Variants in LRP1B observed in about 807,000 individuals in gnomAD.
The protein encoded by LRP1B is low-density lipoprotein receptor-related protein 1B.
Under a neutral mutation model 556.6 loss-of-function variants are expected in LRP1B, and 217 were observed. The observed-to-expected ratio is 0.39, with a 90% confidence interval of 0.35 to 0.44. The LOEUF (loss-of-function observed/expected upper bound fraction) is 0.44, where lower values mean the gene tolerates loss of function less well. LRP1B is among the 20% of genes least tolerant of loss of function. The pLI, the probability that LRP1B is intolerant of heterozygous loss-of-function variation, is 1.00. For synonymous variants in LRP1B, 2,047 were observed against 1,865.8 expected, an observed-to-expected ratio of 1.10 and a Z score of -2.50; for missense variants, 5,053 against 5,620.8, an observed-to-expected ratio of 0.90 and a Z score of 3.23.
chr2:140,907,900 C>T lies in LRP1B; in HGVS notation c.3497G>A (p.Gly1166Asp), dbSNP rs766253572. ...LCNGKKDCPD[G>D]SDEGYLCDEC... Reference sequence around the variant, plus strand: ...ACCACAGAGATAGCCTTCATCAGAGCCATCAGGACAATCCTTTTTCCCATT... The same window carrying T: ...ACCACAGAGATAGCCTTCATCAGAGTCATCAGGACAATCCTTTTTCCCATT... The change falls in exon 22 of 91, where the codon GGC (glycine) becomes GAC (aspartate). Residue 1166 changes from glycine (G) to aspartate (D), a missense_variant. By Grantham distance (94) the Gly-to-Asp change is moderately conservative. Coordinates refer to ENST00000389484, the MANE Select transcript of LRP1B (RefSeq NM_018557.3). 2.5e-6 allele frequency: 4 copies of T among 1,613,384 alleles called. No homozygotes were observed. In the South Asian group the frequency reaches 4.4e-5, roughly 18 times the overall value.
intron 41 of LRP1B, among the ~76,000 whole-genome samples, chr2:140,648,435 A>G (rs1200929623): frequency 6.6e-6 from 1 of 152,156 alleles, no homozygotes; most frequent in Non-Finnish European, 1.5e-5. Context: ...CTTAAAGTAT[A>G]ATAAAAAAAA....
chr2:142,000,967 G>C (rs1030962225), intron 1 of LRP1B, among the ~76,000 whole-genome samples: 1 of 152,122 alleles, frequency 6.6e-6, no homozygotes, highest in African/African-American at 2.4e-5. Flanking sequence ...TGAAAAATAA[G>C]TGAATCACAG....
At chr2:140,911,685 C>T (rs566633951) in intron 21 of LRP1B, among the ~76,000 whole-genome samples, 1 of 151,806 alleles carries the variant, frequency 6.6e-6, no homozygotes, top group South Asian at 2.1e-4. Context: ...ACATTCTATA[C>T]TTAAGCATTA....
chr2:141,053,173 C>A (rs969550621), intron 10 of LRP1B, among the ~76,000 whole-genome samples: 1 of 151,932 alleles, frequency 6.6e-6, no homozygotes, highest in Non-Finnish European at 1.5e-5. Context: ...AAATACATTT[C>A]ACAGACACTC....
intron 41 of LRP1B, among the ~76,000 whole-genome samples, chr2:140,693,525 G>T (rs1686319036): frequency 6.6e-6 from 1 of 152,030 alleles, no homozygotes; most frequent in Non-Finnish European, 1.5e-5. Flanking sequence ...GATAATTTGG[G>T]ATAATTTTCC....
chr2:141,640,332 G>T (rs1175984797), intron 2 of LRP1B, among the ~76,000 whole-genome samples: 1 of 152,158 alleles, frequency 6.6e-6, no homozygotes, highest in Non-Finnish European at 1.5e-5. Context: ...CAAAAAAAGA[G>T]CTAATACCCT....
chr2:141,657,760 T>C (rs1487142129), intron 2 of LRP1B, among the ~76,000 whole-genome samples: 2 of 152,154 alleles, frequency 1.3e-5, no homozygotes, highest in East Asian at 1.9e-4. Context: ...TATGTTGTCA[T>C]TGACAGTTGA....
chr2:141,806,652 C>T (rs1175587849), intron 2 of LRP1B, among the ~76,000 whole-genome samples: 4 of 151,950 alleles, frequency 2.6e-5, no homozygotes, highest in Non-Finnish European at 4.4e-5. Context: ...TACCCTAGAT[C>T]CTGGGCACAA....
chr2:141,894,037 A>G (rs545141966), intron 1 of LRP1B, among the ~76,000 whole-genome samples: 1 of 152,080 alleles, frequency 6.6e-6, no homozygotes, highest in South Asian at 2.1e-4. Flanking sequence ...TCTACCCTTC[A>G]GCAGTTATAA....
chr2:140,473,758 C>T (rs2105345907), intron 60 of LRP1B, among the ~76,000 whole-genome samples: 1 of 151,862 alleles, frequency 6.6e-6, no homozygotes, highest in East Asian at 1.9e-4. Flanking sequence ...ACATATACAA[C>T]CTCCTAGCAC....
chr2:140,613,357 T>G (rs1683140429), intron 41 of LRP1B, among the ~76,000 whole-genome samples: 1 of 127,618 alleles, frequency 7.8e-6, no homozygotes, highest in African/African-American at 2.7e-5. Flanking sequence ...ATATAAATAA[T>G]TATATAAATA....
At chr2:141,869,297 C>T (rs146111863) in intron 1 of LRP1B, among the ~76,000 whole-genome samples, 22 of 151,940 alleles carry the variant, frequency 1.4e-4, no homozygotes, top group African/African-American at 5.3e-4. Context: ...TTTAAATAAC[C>T]CCATGTGGCT....
intron 41 of LRP1B, among the ~76,000 whole-genome samples, chr2:140,625,765 A>G (rs945330763): frequency 6.6e-6 from 1 of 152,208 alleles, no homozygotes; most frequent in East Asian, 1.9e-4. Context: ...ACTCTCCTTC[A>G]CTGCTGATAA....
chr2:140,731,505 G>A (rs1311177830), intron 35 of LRP1B, among the ~76,000 whole-genome samples: 1 of 151,810 alleles, frequency 6.6e-6, no homozygotes, highest in Non-Finnish European at 1.5e-5. Context: ...TTAGATTATT[G>A]AATCAGTTAA....
At chr2:140,298,910 T>C (rs189144861) in intron 83 of LRP1B, among the ~76,000 whole-genome samples, 1 of 152,162 alleles carries the variant, frequency 6.6e-6, no homozygotes, top group East Asian at 1.9e-4. Flanking sequence ...AAATAATAAA[T>C]TTCAAAGTTT....
intron 3 of LRP1B, among the ~76,000 whole-genome samples, chr2:141,313,853 C>A (rs947488912): frequency 1.3e-5 from 2 of 150,764 alleles, no homozygotes; most frequent in Non-Finnish European, 3.0e-5. Context: ...TTCCTTAATC[C>A]ACAGATTTCA....
At chr2:141,084,751 G>C (rs539645210) in intron 7 of LRP1B, among the ~76,000 whole-genome samples, 1 of 150,998 alleles carries the variant, frequency 6.6e-6, no homozygotes, top group Non-Finnish European at 1.5e-5. Flanking sequence ...CCGGGTTCAC[G>C]CCATTCTCCT....
At chr2:141,829,716 T>TA (rs1697051305) in intron 1 of LRP1B, among the ~76,000 whole-genome samples, 1 of 151,966 alleles carries the variant, frequency 6.6e-6, no homozygotes, top group South Asian at 2.1e-4. Flanking sequence ...CCTCCCCCAA[T>TA]AGGATTTGGA....
At chr2:141,657,691 G>C (rs536067779) in intron 2 of LRP1B, among the ~76,000 whole-genome samples, 3 of 152,264 alleles carry the variant, frequency 2.0e-5, no homozygotes, top group African/African-American at 7.2e-5. Flanking sequence ...TCCAACAGTA[G>C]TGTTATTTTT....
Sources: gnomAD v4.1 joint callset for allele counts (sites outside exome capture counted in the v4.1 genomes callset) on GRCh38, gnomAD v4.1.1 for gene constraint, MANE v1.5 for transcripts, NCBI Gene and HGNC (gene_info 2026-07-23, HGNC 2026-07-21) for gene names.